NLRP12: variants seen among roughly 807,000 people sequenced by gnomAD.
The protein encoded by NLRP12 is NACHT, LRR and PYD domains-containing protein 12.
Under a neutral mutation model 91.2 loss-of-function variants are expected in NLRP12, and 108 were observed. The observed-to-expected ratio is 1.18, with a 90% CI of 1.01 to 1.39. The LOEUF (loss-of-function observed/expected upper bound fraction) is 1.39, where lower values mean the gene tolerates loss of function less well. Among genes scored for constraint, NLRP12 ranks in the 40% most tolerant of loss-of-function variants. The probability of loss-of-function intolerance (pLI) is 0.00; values close to 1 mark genes in which losing one functional copy is unlikely to be tolerated. For synonymous variants in NLRP12, 613 were observed against 566.7 expected, an observed-to-expected ratio of 1.08 and a Z score of -1.16; for missense variants, 1,530 against 1,352.7, an observed-to-expected ratio of 1.13 and a Z score of -2.06.
At chr19:53,797,994 C>G (rs1281234907) in intron 8 of NLRP12, among the ~76,000 whole-genome samples, 1 of 152,184 alleles carries the variant, frequency 6.6e-6, no homozygotes. Flanking sequence ...CTCGGCTTCC[C>G]AAAGTGCTGG....
chr19:53,800,511 A>G (rs1600680914), intron 7 of NLRP12, among the ~76,000 whole-genome samples: 1 of 152,070 alleles, frequency 6.6e-6, no homozygotes, highest in South Asian at 2.1e-4. Context: ...CCAGGCAAAG[A>G]GGGGACAGAG....
intron 3 of NLRP12, 94 bp downstream of exon 3, chr19:53,809,493 T>G (rs2092017514): frequency 7.9e-7 from 1 of 1,268,606 alleles, no homozygotes; most frequent in Non-Finnish European, 1.1e-6. Context: ...GTCACGCCAG[T>G]GTACTCCAGC....
chr19:53,812,662 T>A (rs997366261), intron 2 of NLRP12, among the ~76,000 whole-genome samples: 2 of 152,102 alleles, frequency 1.3e-5, no homozygotes, highest in Non-Finnish European at 2.9e-5. Context: ...CTGGTCTGGA[T>A]ACAAATGCAT....
chr19:53,808,400 C>G (rs530211129), intron 3 of NLRP12: 1 of 157,450 alleles, frequency 6.4e-6, no homozygotes, highest in African/African-American at 2.4e-5. Context: ...ACACAGTCTT[C>G]TGTCTACAGA....
At chr19:53,815,167 G>A (rs1402050915) in intron 1 of NLRP12, among the ~76,000 whole-genome samples, 179 bp from the exon 2 acceptor site, 2 of 149,966 alleles carry the variant, frequency 1.3e-5, no homozygotes, top group African/African-American at 2.5e-5. Context: ...TCCTTGTAGC[G>A]CACCCTCCTC....
rs1477941161 is a variant in NLRP12, at chr19:53,801,259, G to T, written c.2724C>A (p.Leu908=). Residue 908 remains leucine, a synonymous_variant, in exon 7 of 10, where the codon CTC becomes CTA. Coordinates refer to ENST00000324134, the MANE Select transcript of NLRP12 (RefSeq NM_144687.4). ...TCTGGAGCTTGCACGTGGGATGCCT[G>T]AGGCCCTCACACAGCAGCAGCACCC... ...DLGVLLLCEG[L]RHPTCKLQTL... 1.2e-6 allele frequency: 2 copies of T among 1,613,916 alleles called. No individual in the cohort carries two copies.
intron 7 of NLRP12, among the ~76,000 whole-genome samples, chr19:53,799,010 A>ATTT (rs34728764): frequency 0.16 from 18,516 of 119,426 alleles, 1,821 homozygotes; most frequent in African/African-American, 0.23. Context: ...CTATCTACAA[A>ATTT]TTTTTTTTTT....
At chr19:53,807,459 G>T (rs201492474) in intron 4 of NLRP12, 36 bp downstream of exon 4, 2 of 1,602,660 alleles carry the variant, frequency 1.2e-6, no homozygotes, top group Middle Eastern at 1.7e-4. Context: ...GCCACGGTGG[G>T]GACCACCTGA....
In NLRP12 at chr19:53,793,935, A is replaced by G. The variant is rs890566179; in HGVS notation, c.*114T>C. On this transcript the variant is annotated 3_prime_UTR_variant, in exon 10 of 10. Coordinates refer to ENST00000324134, the MANE Select transcript of NLRP12 (RefSeq NM_144687.4). ...CCAAGCAGAGGGACTTTTGATCTCA[A>G]TCTGCATGAGTCTGTCTCTAGGAAG... is the stretch of plus-strand genomic sequence containing the variant. 1.2e-6 allele frequency: 1 copy of G among 815,006 alleles called. No individual in the cohort carries two copies. The highest frequency in any genetic ancestry group is 1.8e-5 in the Admixed American group (1 of 54,298). The allele number at this position is 815,006 out of a possible 1,614,324, so 50.5% of individuals were successfully genotyped here.
At chr19:53,819,015 C>T (rs2092205912) in intron 1 of NLRP12, among the ~76,000 whole-genome samples, 1 of 152,138 alleles carries the variant, frequency 6.6e-6, no homozygotes, top group Non-Finnish European at 1.5e-5. Flanking sequence ...TCCTTGGGAA[C>T]GCTGAGCTGC....
At chr19:53,809,259 G>A (rs971008542) in intron 3 of NLRP12, among the ~76,000 whole-genome samples, 1 of 149,976 alleles carries the variant, frequency 6.7e-6, no homozygotes, top group African/African-American at 2.5e-5. Flanking sequence ...TGGGCCGGGT[G>A]CAGTGGCTCA....
intron 6 of NLRP12, among the ~76,000 whole-genome samples, chr19:53,802,183 C>T (rs898802715): frequency 7.2e-5 from 11 of 151,946 alleles, no homozygotes; most frequent in South Asian, 4.2e-4. Flanking sequence ...GCTGAGATCA[C>T]GCCATTGCAC....
chr19:53,801,289 G>T lies in NLRP12; in HGVS notation c.2694C>A (p.Asp898Glu). 6.2e-7 allele frequency: 1 copy of T among 1,613,772 alleles called. No homozygotes were observed. The highest frequency in any genetic ancestry group is 8.5e-7 in the Non-Finnish European group (1 of 1,179,970). ...ELDLSLNELG[D>E]LGVLLLCEGL... Reference sequence around the variant, plus strand: ...CCTCACACAGCAGCAGCACCCCGAGGTCCCCCAGCTCATTCAGGCTCAGGT... The same window carrying T: ...CCTCACACAGCAGCAGCACCCCGAGTTCCCCCAGCTCATTCAGGCTCAGGT... Residue 898 changes from aspartate to glutamate, a missense_variant, in exon 7 of 10, where the codon GAC (aspartate) becomes GAA (glutamate). Transcript: ENST00000324134.
intron 8 of NLRP12, among the ~76,000 whole-genome samples, chr19:53,796,981 G>GT (rs199926109): frequency 2.0e-4 from 30 of 149,858 alleles, no homozygotes; most frequent in Non-Finnish European, 3.6e-4. Context: ...GGGAGACCCT[G>GT]TTTTAAAAAA....
At chr19:53,795,803 A>T in intron 9 of NLRP12, 56 bp downstream of exon 9, 1 of 1,541,838 alleles carries the variant, frequency 6.5e-7, no homozygotes, top group South Asian at 1.1e-5. Flanking sequence ...ATCTACCCTC[A>T]TGCTCCCAGC....
intron 1 of NLRP12, among the ~76,000 whole-genome samples, chr19:53,818,041 C>T (rs1448944173): frequency 1.3e-5 from 2 of 150,834 alleles, no homozygotes; most frequent in Non-Finnish European, 2.9e-5. Context: ...CCTCAGCCTC[C>T]AACATGCTGG....
chr19:53,798,275 C>T lies in NLRP12; in HGVS notation c.2895G>A (p.Leu965=), dbSNP rs369220717. Reference sequence around the variant, plus strand: ...TCTGGAGTCTGCAGGCGGGATGTTGCAGCCCCTCAGCCAGCAACCACAGGC... The same window carrying T: ...TCTGGAGTCTGCAGGCGGGATGTTGTAGCCCCTCAGCCAGCAACCACAGGC... The part of the protein sequence containing the change: ...DWGLWLLAEG[L]QHPACRLQKL... Residue 965 remains leucine (L), a synonymous_variant, in exon 8 of 10, where the codon CTG becomes CTA. Coordinates refer to ENST00000324134, the MANE Select transcript of NLRP12 (RefSeq NM_144687.4). 1.5e-5 allele frequency: 24 copies of T among 1,614,068 alleles called. No homozygotes were observed. The African/African-American group carries it at 3.1e-4, about 21-fold the overall frequency.
chr19:53,824,188 G>A lies in NLRP12; in HGVS notation c.-14C>T. The A allele has an allele frequency of 3.1e-6, 5 of 1,613,106 alleles. No individual in the cohort carries two copies. The highest frequency in any genetic ancestry group is 1.3e-5 in the African/African-American group (1 of 75,040). On this transcript the variant is annotated 5_prime_UTR_variant, in exon 1 of 10. Coordinates refer to ENST00000324134, the MANE Select transcript of NLRP12 (RefSeq NM_144687.4). ...GGTTCGTAGCATGGGGGTGCCGTGAGCCCCAAAGGAGAGGACCTGGAGGCT... is the reference window on the plus strand; with the variant it reads ...GGTTCGTAGCATGGGGGTGCCGTGAACCCCAAAGGAGAGGACCTGGAGGCT...
At chr19:53,813,281 C>CT (rs34880938) in intron 2 of NLRP12, among the ~76,000 whole-genome samples, 14,319 of 111,446 alleles carry the variant, frequency 0.13, 881 homozygotes, top group South Asian at 0.2. Context: ...AACTGCTATT[C>CT]TTTTTTTTTT....
Sources: allele counts gnomAD v4.1 joint callset (sites outside exome capture counted in the v4.1 genomes callset), GRCh38; gene constraint gnomAD v4.1.1; transcripts MANE v1.5; gene names NCBI Gene and HGNC (gene_info 2026-07-23, HGNC 2026-07-21).